The following AGAP1 variants were observed in gnomAD, a reference collection of about 807,000 sequenced individuals.
AGAP1 encodes ArfGAP with GTPase domain, ankyrin repeat and PH domain 1.
A neutral mutation model predicts 105.3 loss-of-function variants in AGAP1; 29 were observed. That is an observed-to-expected ratio of 0.28 (90% CI 0.21 to 0.38). The LOEUF (loss-of-function observed/expected upper bound fraction) is 0.38. Among genes scored for constraint, AGAP1 ranks in the 10% least tolerant of loss-of-function variants. The pLI is 1.00. For missense variants in AGAP1, 998 were observed against 1,165.1 expected (o/e 0.86, Z 2.09); for synonymous variants, 509 against 485.9 (o/e 1.05, Z -0.63).
chr2:235,717,706 C>T (rs1951189494), intron 3 of AGAP1, 62 bp downstream of exon 3: 1 of 1,401,332 alleles, frequency 7.1e-7, no homozygotes, highest in Non-Finnish European at 9.9e-7. Context: ...TTTTCCTTAG[C>T]ATATTATAAA....
chr2:235,951,325 T>G lies in AGAP1; in HGVS notation c.1484-17137T>G, dbSNP rs752672466. On this transcript the variant is annotated intron_variant, in intron 12 of 17. Transcript: ENST00000304032. This position sits in a 1 kb window ranked among gnomAD's most constrained non-coding sequence, Gnocchi z 4.2. ...ATGTCCACAGCACATTCAAATTATC[T>G]TTCATGTTACAAACTTTTCCAGCAG... 6.6e-6 allele frequency among the ~76,000 whole-genome samples: 1 copy of G among 152,160 alleles called. No homozygotes were observed. The highest frequency in any genetic ancestry group is 6.5e-5 in the Admixed American group (1 of 15,272).
At chr2:235,686,546 G>GAT (rs72137817) in intron 1 of AGAP1, among the ~76,000 whole-genome samples, 16 of 70,312 alleles carry the variant, frequency 2.3e-4, no homozygotes, top group African/African-American at 4.0e-4. Context: ...CCAGGAAGGA[G>GAT]ATATATATAT....
At position 235,973,034 on chromosome 2, in the gene AGAP1, C is replaced by A. The variant is rs1351979649; in HGVS notation, c.1645+4411C>A. ...AGGTTCTCACTCTGGCCGTTTCTTA[C>A]CTCTGTGGCGCACTTATTCAGAAAG... is the stretch of plus-strand genomic sequence containing the variant. On this transcript the variant is annotated intron_variant, in intron 13 of 17. Transcript: ENST00000304032. This position sits in a 1 kb window ranked among gnomAD's most constrained non-coding sequence, Gnocchi z 4.7. 6.6e-6 allele frequency among the ~76,000 whole-genome samples: 1 copy of A among 152,206 alleles called. No homozygotes were observed. The highest frequency in any genetic ancestry group is 2.4e-5 in the African/African-American group (1 of 41,458).
intron 1 of AGAP1, among the ~76,000 whole-genome samples, chr2:235,685,738 G>A (rs1013829504): frequency 7.9e-5 from 12 of 152,008 alleles, no homozygotes; most frequent in South Asian, 2.1e-4. Flanking sequence ...TGTGAACCCC[G>A]AAAATTTGAG....
At chr2:236,098,396 C>T (rs945054187) in intron 16 of AGAP1, among the ~76,000 whole-genome samples, 2 of 151,854 alleles carry the variant, frequency 1.3e-5, no homozygotes, top group African/African-American at 2.4e-5. Flanking sequence ...CATGATGAAA[C>T]TTCATCTTTG....
intron 13 of AGAP1, among the ~76,000 whole-genome samples, chr2:235,974,621 AG>A (rs570152763): frequency 3.9e-5 from 6 of 152,210 alleles, no homozygotes; most frequent in Non-Finnish European, 7.3e-5. Context: ...TCTCCTGTAG[AG>A]GGTAAGTCAC....
intron 1 of AGAP1, among the ~76,000 whole-genome samples, chr2:235,654,959 T>C (rs895320349): frequency 3.3e-5 from 5 of 152,186 alleles, no homozygotes; most frequent in African/African-American, 4.8e-5. Flanking sequence ...TGCATTCATA[T>C]CAGAAGGCCA....
chr2:235,906,297 T>C lies in AGAP1; in HGVS notation c.1156-2441T>C, dbSNP rs147138580. 9.6e-4 allele frequency among the ~76,000 whole-genome samples: 146 copies of C among 152,344 alleles called. No homozygotes were observed. The highest frequency in any genetic ancestry group is 3.4e-3 in the African/African-American group (142 of 41,594). ...GGGAATGCCCGGCCTTGCCCCTGCC[T>C]CTGAATTTGCCCCACTGTAGCACAG... On this transcript the variant is annotated intron_variant, in intron 10 of 17. Coordinates refer to ENST00000304032, the MANE Select transcript of AGAP1 (RefSeq NM_001037131.3). This position sits in a 1 kb window ranked among gnomAD's most constrained non-coding sequence, Gnocchi z 5.3.
intron 16 of AGAP1, among the ~76,000 whole-genome samples, chr2:236,110,578 C>CTCAAG (rs2059616003): frequency 1.3e-5 from 2 of 152,174 alleles, no homozygotes; most frequent in South Asian, 4.2e-4. Context: ...ATAAAAAAGC[C>CTCAAG]TCAAGTCAGT....
chr2:235,835,254 A>G (rs1960002808), intron 9 of AGAP1, among the ~76,000 whole-genome samples: 1 of 152,090 alleles, frequency 6.6e-6, no homozygotes, highest in Non-Finnish European at 1.5e-5. Flanking sequence ...CCTGCACCAA[A>G]ATGTTTATAA....
intron 1 of AGAP1, among the ~76,000 whole-genome samples, chr2:235,519,939 C>T (rs137923449): frequency 5.7e-4 from 87 of 152,278 alleles, no homozygotes; most frequent in African/African-American, 1.9e-3. Context: ...CCCACCACCA[C>T]ACCTGGCTAA....
intron 13 of AGAP1, among the ~76,000 whole-genome samples, chr2:236,021,729 C>T (rs7599602): frequency 0.66 from 99,305 of 150,550 alleles, 34,594 homozygotes; most frequent in African/African-American, 0.89. Context: ...ATTTTTTTTT[C>T]CCCAAGAGCT....
intron 1 of AGAP1, among the ~76,000 whole-genome samples, chr2:235,634,841 GA>G (rs1022564802): frequency 9.9e-5 from 15 of 152,072 alleles, no homozygotes; most frequent in Non-Finnish European, 1.6e-4. Context: ...TACGTACCAC[GA>G]AGGAGGCTCT....
In AGAP1 at chr2:236,001,924, T is replaced by C. The variant is rs1253316529; in HGVS notation, c.1645+33301T>C. 2.0e-5 allele frequency among the ~76,000 whole-genome samples: 3 copies of C among 152,166 alleles called. No homozygotes were observed. Among genetic ancestry groups the C allele is most frequent in the Non-Finnish European group, 4.4e-5 (3 of 68,032 alleles). On this transcript the variant is annotated intron_variant, in intron 13 of 17. Coordinates refer to ENST00000304032, the MANE Select transcript of AGAP1 (RefSeq NM_001037131.3). This position sits in a 1 kb window ranked among gnomAD's most constrained non-coding sequence, Gnocchi z 4.7. Reference sequence around the variant, plus strand: ...ATACTTCCCTGAACATCATTGCACATACATTCTGAAGCGCTCACGCTTTGT... The same window carrying C: ...ATACTTCCCTGAACATCATTGCACACACATTCTGAAGCGCTCACGCTTTGT...
At position 235,623,282 on chromosome 2, in the gene AGAP1, T is replaced by C. The variant is rs1559296181; in HGVS notation, c.164-85897T>C. Among the ~76,000 whole-genome samples the C allele has an allele frequency of 6.6e-6, 1 of 151,944 alleles. No homozygotes were observed. The highest frequency in any genetic ancestry group is 6.5e-5 in the Admixed American group (1 of 15,276). Reference sequence around the variant, plus strand: ...TCTGCTTGTTGATCGTATTACAGCATGTTGGGCATGTCAAATGAATCTGGG... The same window carrying C: ...TCTGCTTGTTGATCGTATTACAGCACGTTGGGCATGTCAAATGAATCTGGG... On this transcript the variant is annotated intron_variant, in intron 1 of 17. Coordinates refer to ENST00000304032, the MANE Select transcript of AGAP1 (RefSeq NM_001037131.3). This position sits in a 1 kb window ranked among gnomAD's most constrained non-coding sequence, Gnocchi z 4.5.
chr2:235,579,684 G>A (rs1003920647), intron 1 of AGAP1, among the ~76,000 whole-genome samples: 3 of 151,936 alleles, frequency 2.0e-5, no homozygotes, highest in Admixed American at 2.0e-4. Context: ...GCTGACACAG[G>A]AGAATGGCGT....
intron 16 of AGAP1, among the ~76,000 whole-genome samples, chr2:236,057,927 A>G (rs974184588): frequency 1.8e-4 from 28 of 152,316 alleles, no homozygotes; most frequent in Middle Eastern, 3.4e-3. Context: ...TAGCAGTGAG[A>G]GGGACAGGTG....
In AGAP1 at chr2:235,796,955, C is replaced by A. The variant is rs114461299; in HGVS notation, c.674-804C>A. On this transcript the variant is annotated intron_variant, in intron 6 of 17. Coordinates refer to ENST00000304032, the MANE Select transcript of AGAP1 (RefSeq NM_001037131.3). ...ACATTCAGTATGCTTTATCAGCGAG[C>A]CTATTTGCCAAGAGAAGTTATGGCT... Among the ~76,000 whole-genome samples, 1,320 of 152,214 alleles carry A rather than the reference C, an allele frequency of 8.7e-3. 11 individuals are homozygous for A. The highest frequency in any genetic ancestry group is 0.013 in the Non-Finnish European group (855 of 68,016).
chr2:235,602,522 GC>G (rs1342386023), intron 1 of AGAP1, among the ~76,000 whole-genome samples: 1 of 152,110 alleles, frequency 6.6e-6, no homozygotes, highest in Non-Finnish European at 1.5e-5. Context: ...CAGCCCCAGG[GC>G]CTTTGCATTA....
Sources: allele counts gnomAD v4.1 joint callset (sites outside exome capture counted in the v4.1 genomes callset), GRCh38; gene constraint gnomAD v4.1.1; non-coding constraint Gnocchi (gnomAD v3.1); transcripts MANE v1.5; gene names NCBI Gene and HGNC (gene_info 2026-07-23, HGNC 2026-07-21).